The following MRC1 variants were observed in gnomAD, a reference collection of about 807,000 sequenced individuals.
The protein encoded by MRC1 is macrophage mannose receptor 1.
In MRC1, 62 loss-of-function variants were observed where a neutral mutation model predicts 102.9. The ratio of observed to expected loss-of-function variants is 0.60; its 90% CI spans 0.49 to 0.74. The LOEUF is 0.74. Among genes scored for constraint, MRC1 ranks in the 30% least tolerant of loss-of-function variants. The pLI is 0.00. For missense variants in MRC1, 1,237 were observed against 862.8 expected (o/e 1.43, Z -5.43); for synonymous variants, 457 against 298.4 (o/e 1.53, Z -5.48).
At chr10:17,812,658 G>A (rs1473346769) in intron 1 of MRC1, among the ~76,000 whole-genome samples, 2 of 141,238 alleles carry the variant, frequency 1.4e-5, no homozygotes, top group African/African-American at 2.7e-5. Context: ...TGCAACCTCT[G>A]CCTCGTGGGT....
rs1464118947 is a variant in MRC1 at position 17,833,723 on chromosome 10, C to T, written c.686C>T (p.Ser229Phe). ...LWNKDPLTSV[S>F]YQINSKSALT... Reference sequence around the variant, plus strand: ...AATAAAGACCCGCTGACCAGCGTTTCCTACCAGATAAACTCCAAATCCGCT... The same window carrying T: ...AATAAAGACCCGCTGACCAGCGTTTTCTACCAGATAAACTCCAAATCCGCT... The change falls in exon 4 of 30, where the codon TCC (serine) becomes TTC (phenylalanine). Residue 229 changes from serine (S) to phenylalanine (F), a missense_variant. Physicochemically the swap from Ser to Phe is radical, Grantham distance 155. Transcript: ENST00000569591. 1.3e-5 allele frequency: 10 copies of T among 780,930 alleles called. No homozygotes were observed. Among genetic ancestry groups the T allele is most frequent in the African/African-American group, 1.2e-4 (7 of 59,106 alleles). 48.4% of individuals were successfully genotyped at this position (780,930 alleles called of 1,614,324 possible). A position where few individuals can be genotyped will look rare whatever the true frequency, so the allele number is the denominator to read the frequency against.
chr10:17,878,028 G>A, intron 18 of MRC1, 61 bp downstream of exon 18: 1 of 835,096 alleles, frequency 1.2e-6, no homozygotes, highest in South Asian at 1.4e-5. Flanking sequence ...ATACCTATGA[G>A]TTATTTTGAG....
chr10:17,855,331 G>A (rs1310012230), intron 8 of MRC1, among the ~76,000 whole-genome samples: 2 of 152,090 alleles, frequency 1.3e-5, no homozygotes, highest in African/African-American at 4.8e-5. Flanking sequence ...CAGCACTTTG[G>A]GAGGCCGAGG....
intron 26 of MRC1, 75 bp from the exon 27 acceptor site, chr10:17,906,811 A>C: frequency 1.3e-6 from 1 of 780,176 alleles, no homozygotes; most frequent in Non-Finnish European, 2.4e-6. Flanking sequence ...TGCTCTCAAT[A>C]GCAGTGCTGT....
At chr10:17,827,984 C>G (rs1025818747) in intron 3 of MRC1, among the ~76,000 whole-genome samples, 1 of 152,168 alleles carries the variant, frequency 6.6e-6, no homozygotes. Context: ...ACTAGAGTCA[C>G]CCCTACTGTC....
intron 3 of MRC1, among the ~76,000 whole-genome samples, chr10:17,828,234 G>C (rs1003035020): frequency 0.067 from 10,205 of 151,698 alleles, 756 homozygotes; most frequent in African/African-American, 0.18. Context: ...CCGCCACCAC[G>C]CCTGGCTAAT....
chr10:17,857,364 T>A (rs1199528421), intron 9 of MRC1, among the ~76,000 whole-genome samples: 1 of 152,260 alleles, frequency 6.6e-6, no homozygotes, highest in Non-Finnish European at 1.5e-5. Flanking sequence ...TGCCTGATCA[T>A]ATGTTTACAC....
At chr10:17,894,086 A>G in intron 22 of MRC1, 124 bp from the exon 23 acceptor site, 1 of 730,310 alleles carries the variant, frequency 1.4e-6, no homozygotes. Context: ...GCATATCTTA[A>G]GTTAGGACAA....
rs1170685081 is a variant in MRC1 at position 17,900,910 on chromosome 10, A to G, written c.3606A>G (p.Ala1202=). 2.4e-5 allele frequency: 19 copies of G among 780,654 alleles called. No homozygotes were observed. Among genetic ancestry groups the G allele is most frequent in the African/African-American group, 1.9e-4 (11 of 59,144 alleles). 48.4% of individuals were successfully genotyped at this position (780,654 alleles called of 1,614,324 possible). The change falls in exon 25 of 30, where the codon GCA becomes GCG. Residue 1202 remains alanine, a synonymous_variant. Transcript: ENST00000569591. ...YLDLDGYWKT[A]HCNESFYFLC... ...ATCTTGATGGCTACTGGAAGACAGC[A>G]CATTGCAATGAAAGTTTTTACTTTC... is the stretch of plus-strand genomic sequence containing the variant.
intron 23 of MRC1, among the ~76,000 whole-genome samples, chr10:17,894,516 T>C (rs2130709999): frequency 6.6e-6 from 1 of 151,496 alleles, no homozygotes; most frequent in South Asian, 2.1e-4. Context: ...TCTCCTGCTT[T>C]AGCCTCCTGA....
At chr10:17,814,806 A>G (rs886326071) in intron 1 of MRC1, among the ~76,000 whole-genome samples, 3 of 146,892 alleles carry the variant, frequency 2.0e-5, no homozygotes, top group African/African-American at 2.5e-5. Context: ...CAGGGATTAT[A>G]GGCGTGCACC....
At chr10:17,884,988 G>A (rs895122274) in intron 21 of MRC1, among the ~76,000 whole-genome samples, 15 of 152,178 alleles carry the variant, frequency 9.9e-5, no homozygotes, top group East Asian at 5.8e-4. Context: ...AGATAGGGGC[G>A]CACAGAATGG....
rs1554843246 is a variant in MRC1, at chr10:17,892,976, A to C, written c.3148-1234A>C. Among the ~76,000 whole-genome samples the C allele has an allele frequency of 3.3e-5, 5 of 150,638 alleles. No individual in the cohort carries two copies. The South Asian group carries it at 1.1e-3, about 32-fold the overall frequency. On this transcript the variant is annotated intron_variant, in intron 22 of 29. Transcript: ENST00000569591. ...AGTGAGCCAGGATTGCGCCACTGCA[A>C]TCCAGCCTGGCGACAGAGCGAGACT...
intron 24 of MRC1, among the ~76,000 whole-genome samples, chr10:17,900,113 A>AAAAG (rs1354488558): frequency 1.0e-4 from 15 of 150,406 alleles, no homozygotes; most frequent in Non-Finnish European, 4.4e-5. Context: ...AAAAAAAAAA[A>AAAAG]AAAGAAAGAA....
intron 14 of MRC1, among the ~76,000 whole-genome samples, chr10:17,871,447 C>T (rs1463594809): frequency 6.6e-6 from 1 of 152,172 alleles, no homozygotes; most frequent in East Asian, 1.9e-4. Flanking sequence ...CTGAAAACTC[C>T]ATAGAGGACC....
intron 23 of MRC1, among the ~76,000 whole-genome samples, chr10:17,897,149 A>C (rs1833766436): frequency 6.6e-6 from 1 of 152,122 alleles, no homozygotes; most frequent in South Asian, 2.1e-4. Flanking sequence ...TCTATCCCCA[A>C]CCATTTAAAA....
chr10:17,863,573 G>C lies in MRC1; in HGVS notation c.1674G>C (p.Arg558Ser). 1 of 780,770 alleles carries C rather than the reference G, an allele frequency of 1.3e-6. No individual in the cohort carries two copies. The highest frequency in any genetic ancestry group is 2.4e-6 in the Non-Finnish European group (1 of 417,920). The allele number at this position is 780,770 out of a possible 1,614,324, so 48.4% of individuals were successfully genotyped here. ...TCCTGACTAGTTTCGTTGGCTTAAGGCCTGAAAAATATTTCTGGACAGGAC... is the reference window on the plus strand; with the variant it reads ...TCCTGACTAGTTTCGTTGGCTTAAGCCCTGAAAAATATTTCTGGACAGGAC... ...QAFLTSFVGL[R>S]PEKYFWTGLS... The change falls in exon 11 of 30, where the codon AGG (arginine) becomes AGC (serine). Residue 558 changes from arginine to serine, a missense_variant. Physicochemically the swap from Arg to Ser is moderately radical, Grantham distance 110 (BLOSUM62 -1). Transcript: ENST00000569591.
intron 9 of MRC1, 72 bp from the exon 10 acceptor site, chr10:17,861,315 A>G (rs1393821728): frequency 1.3e-5 from 9 of 694,804 alleles, no homozygotes; most frequent in Non-Finnish European, 2.0e-5. Flanking sequence ...CTGCATCTCA[A>G]ATAATAATAA....
chr10:17,818,692 C>T (rs1838349184), intron 1 of MRC1, among the ~76,000 whole-genome samples: 1 of 152,002 alleles, frequency 6.6e-6, no homozygotes, highest in Non-Finnish European at 1.5e-5. Context: ...ACCTGTAATC[C>T]CAGAGCTGAG....
Sources: allele counts gnomAD v4.1 joint callset (sites outside exome capture counted in the v4.1 genomes callset), GRCh38; gene constraint gnomAD v4.1.1; transcripts MANE v1.5; gene names NCBI Gene and HGNC (gene_info 2026-07-23, HGNC 2026-07-21).